The following PTPN13 variants were observed in gnomAD, a reference collection of about 807,000 sequenced individuals.
The protein encoded by PTPN13 is tyrosine-protein phosphatase non-receptor type 13.
PTPN13 carries 191 observed loss-of-function variants against 284.0 expected under a neutral mutation model. The ratio of observed to expected loss-of-function variants is 0.67; its 90% CI spans 0.60 to 0.76. The LOEUF is 0.76. Ranked by LOEUF, PTPN13 falls within the 30% of genes least tolerant of loss-of-function variation. The pLI is 0.00. For missense variants in PTPN13, 2,797 were observed against 2,939.9 expected, an observed-to-expected ratio of 0.95 and a Z score of 1.12; for synonymous variants, 986 against 1,022.3, an observed-to-expected ratio of 0.96 and a Z score of 0.68.
At chr4:86,760,283 G>A (rs1738528752) in intron 23 of PTPN13, among the ~76,000 whole-genome samples, 1 of 152,152 alleles carries the variant, frequency 6.6e-6, no homozygotes, top group Non-Finnish European at 1.5e-5. Context: ...GGCAAAGGAA[G>A]ACAACTACAG....
At chr4:86,598,474 A>G (rs1308372677) in intron 1 of PTPN13, among the ~76,000 whole-genome samples, 1 of 152,156 alleles carries the variant, frequency 6.6e-6, no homozygotes, top group East Asian at 1.9e-4. Flanking sequence ...GATGAAATTA[A>G]TATGTGCAAA....
At chr4:86,699,612 A>G (rs561956964) in intron 6 of PTPN13, among the ~76,000 whole-genome samples, 22 of 152,220 alleles carry the variant, frequency 1.4e-4, no homozygotes, top group Non-Finnish European at 2.8e-4. Context: ...GTGATTGACT[A>G]TGAATTTATG....
intron 41 of PTPN13, among the ~76,000 whole-genome samples, chr4:86,797,381 A>G (rs543704304): frequency 1.3e-5 from 2 of 152,084 alleles, no homozygotes; most frequent in African/African-American, 4.8e-5. Context: ...AATCCCAGCT[A>G]CTCAGGAGGC....
chr4:86,765,969 A>G (rs973204018), intron 26 of PTPN13, among the ~76,000 whole-genome samples: 4 of 152,186 alleles, frequency 2.6e-5, no homozygotes, highest in African/African-American at 9.6e-5. Flanking sequence ...CTGGGACTAC[A>G]GGCGCCCACC....
Position 86,771,478 on chromosome 4 carries a change from T to C in PTPN13, c.5111T>C (p.Ile1704Thr), listed in dbSNP as rs768444314. Residue 1704 changes from isoleucine to threonine, a missense_variant, in exon 31 of 48, where the codon ATT (isoleucine) becomes ACT (threonine). Ile to Thr is a moderately conservative substitution (Grantham distance 89). Transcript: ENST00000411767. ...HEAPKSQEDT[I>T]CTMFYYPQKI... ...GCACCCAAGAGTCAAGAAGATACCA[T>C]TTGTACCATGTTTTACTATCCTCAG... 42 of 1,567,110 alleles carry C rather than the reference T, an allele frequency of 2.7e-5. No individual in the cohort carries two copies. Among genetic ancestry groups the C allele is most frequent in the Non-Finnish European group, 3.6e-5 (41 of 1,154,032 alleles).
At chr4:86,768,255 AAAAAT>A (rs2149265187) in intron 28 of PTPN13, among the ~76,000 whole-genome samples, 3 of 152,340 alleles carry the variant, frequency 2.0e-5, no homozygotes, top group African/African-American at 7.2e-5. Flanking sequence ...TGGTAAGTGA[AAAAAT>A]AAAGAAAAAC....
At chr4:86,646,704 C>T (rs111505134) in intron 2 of PTPN13, among the ~76,000 whole-genome samples, 1 of 152,206 alleles carries the variant, frequency 6.6e-6, no homozygotes, top group African/African-American at 2.4e-5. Flanking sequence ...GCCATATACA[C>T]TCCTAGTTAC....
chr4:86,647,559 A>T (rs1431294601), intron 2 of PTPN13, among the ~76,000 whole-genome samples: 3 of 151,980 alleles, frequency 2.0e-5, no homozygotes, highest in African/African-American at 4.8e-5. Context: ...TAAAAATTTT[A>T]AAAAACATTT....
At chr4:86,787,422 G>A (rs979627769) in intron 40 of PTPN13, among the ~76,000 whole-genome samples, 4 of 151,420 alleles carry the variant, frequency 2.6e-5, no homozygotes, top group East Asian at 2.0e-4. Context: ...GAGAAACCCC[G>A]TCTCTACTAA....
intron 45 of PTPN13, among the ~76,000 whole-genome samples, chr4:86,809,063 C>G (rs1188098935): frequency 6.6e-6 from 1 of 151,986 alleles, no homozygotes; most frequent in African/African-American, 2.4e-5. Flanking sequence ...GTATTTAAAG[C>G]CACAGAGAAT....
intron 23 of PTPN13, among the ~76,000 whole-genome samples, chr4:86,762,329 T>C (rs1738791545): frequency 6.6e-6 from 1 of 152,166 alleles, no homozygotes; most frequent in Non-Finnish European, 1.5e-5. Context: ...GGAGTTGCCT[T>C]CCATGATAAT....
intron 2 of PTPN13, among the ~76,000 whole-genome samples, chr4:86,636,900 T>C (rs1305884865): frequency 6.6e-6 from 1 of 151,854 alleles, no homozygotes; most frequent in Non-Finnish European, 1.5e-5. Context: ...GCTGGTTTTT[T>C]GAAAGGATCA....
At chr4:86,807,110 A>G (rs1744739800) in intron 44 of PTPN13, among the ~76,000 whole-genome samples, 1 of 152,266 alleles carries the variant, frequency 6.6e-6, no homozygotes, top group Admixed American at 6.5e-5. Flanking sequence ...ATACTTTAAT[A>G]GTGTTATTGT....
chr4:86,789,026 A>T (rs1449192177), intron 40 of PTPN13, among the ~76,000 whole-genome samples: 1 of 152,216 alleles, frequency 6.6e-6, no homozygotes, highest in East Asian at 1.9e-4. Context: ...CATTCCATAC[A>T]TACCGTGGAG....
At chr4:86,768,352 G>A (rs1278754055) in intron 28 of PTPN13, among the ~76,000 whole-genome samples, 1 of 152,152 alleles carries the variant, frequency 6.6e-6, no homozygotes, top group Non-Finnish European at 1.5e-5. Flanking sequence ...TTTAAGAACT[G>A]TGAATCAAAC....
chr4:86,605,416 G>T (rs576744025), intron 1 of PTPN13, among the ~76,000 whole-genome samples: 1 of 151,984 alleles, frequency 6.6e-6, no homozygotes, highest in Non-Finnish European at 1.5e-5. Context: ...TAAGATCAAA[G>T]GTGGTGAAAG....
chr4:86,734,260 G>A, intron 12 of PTPN13, 43 bp from the exon 13 acceptor site: 1 of 1,361,316 alleles, frequency 7.3e-7, no homozygotes, highest in Admixed American at 2.9e-5. Context: ...AAACACTAAA[G>A]TATTTTTTTA....
chr4:86,663,798 G>C (rs936707432), intron 2 of PTPN13, among the ~76,000 whole-genome samples: 1 of 152,016 alleles, frequency 6.6e-6, no homozygotes, highest in African/African-American at 2.4e-5. Context: ...ATTATAATTT[G>C]GATAAAATAG....
At chr4:86,770,618 T>G (rs1739878150) in intron 30 of PTPN13, among the ~76,000 whole-genome samples, 1 of 152,174 alleles carries the variant, frequency 6.6e-6, no homozygotes, top group Admixed American at 6.5e-5. Context: ...AAAAAGTGAA[T>G]GAAACTCTCT....
Sources: allele counts gnomAD v4.1 joint callset (sites outside exome capture counted in the v4.1 genomes callset), GRCh38; gene constraint gnomAD v4.1.1; transcripts MANE v1.5; gene names NCBI Gene and HGNC (gene_info 2026-07-23, HGNC 2026-07-21).